Variants in SCARA3 observed in about 807,000 individuals in gnomAD.
SCARA3 encodes the protein cellular stress response gene protein.
In SCARA3, 39 loss-of-function variants were observed where a neutral mutation model predicts 47.0. That is an observed-to-expected ratio of 0.83 (90% CI 0.64 to 1.08). The LOEUF (loss-of-function observed/expected upper bound fraction) is 1.08. Ranked by LOEUF, SCARA3 falls within the 50% of genes least tolerant of loss-of-function variation. SCARA3 has a pLI of 0.00. For missense variants in SCARA3, 724 were observed against 792.3 expected (o/e 0.91, Z 1.04); for synonymous variants, 356 against 334.1 (o/e 1.07, Z -0.71).
the SCARA3 span, among the ~76,000 whole-genome samples, chr8:27,709,599 C>G: frequency 6.6e-6 from 1 of 152,172 alleles, no homozygotes; most frequent in African/African-American, 2.4e-5. Context: ...TTCAACTGCT[C>G]ACCCTCAAAT....
At chr8:27,707,634 A>G in the SCARA3 span, among the ~76,000 whole-genome samples, 2 of 152,024 alleles carry the variant, frequency 1.3e-5, no homozygotes. Flanking sequence ...TTCCAGAAAG[A>G]GAGAGAGAAA....
rs757810158 is a variant in SCARA3, at chr8:27,659,264, A to G, written c.1094A>G (p.Asn365Ser). Residue 365 changes from asparagine (N) to serine (S), a missense_variant, in exon 5 of 6, where the codon AAT becomes AGT. Transcript: ENST00000301904. ...IEIGTIFTNI[N>S]ATDNHVHSML... ...ATTGGCACCATCTTCACCAACATCA[A>G]TGCCACCGACAACCACGTGCACAGC... The G allele has an allele frequency of 3.7e-6, 6 of 1,613,964 alleles. No homozygotes were observed. Among genetic ancestry groups the G allele is most frequent in the East Asian group, 2.2e-5 (1 of 44,882 alleles).
intron 1 of SCARA3, among the ~76,000 whole-genome samples, chr8:27,642,477 C>A (rs142421491): frequency 6.6e-6 from 1 of 152,136 alleles, no homozygotes; most frequent in Non-Finnish European, 1.5e-5. Context: ...GGTGCCCATG[C>A]GAGACAGGGT....
At chr8:27,676,426 GCTGACCTCAGCCAGGCC>G (rs764266959), downstream of SCARA3, 122 of 753,700 alleles carry the variant, frequency 1.6e-4, no homozygotes, top group Non-Finnish European at 2.2e-4. Flanking sequence ...GAAGCCAGGT[GCTGACCTCAGCCAGGCC>G]CCCGACTTCC....
chr8:27,730,195 A>C, the SCARA3 span, among the ~76,000 whole-genome samples: 1 of 152,234 alleles, frequency 6.6e-6, no homozygotes, highest in African/African-American at 2.4e-5. Flanking sequence ...AGAGGAGCTT[A>C]TTAAGAAACC....
chr8:27,643,874 A>G (rs1005824987), intron 1 of SCARA3, among the ~76,000 whole-genome samples: 2 of 152,196 alleles, frequency 1.3e-5, no homozygotes, highest in Admixed American at 6.5e-5. Flanking sequence ...CCAAGGACAC[A>G]TTTTTGGTCA....
At chr8:27,662,994 C>G (rs1291697548) in intron 5 of SCARA3, among the ~76,000 whole-genome samples, 1 of 152,192 alleles carries the variant, frequency 6.6e-6, no homozygotes, top group African/African-American at 2.4e-5. Context: ...GTATTTTTGC[C>G]TATTTGGAGA....
the SCARA3 span, among the ~76,000 whole-genome samples, chr8:27,709,263 T>G: frequency 6.6e-6 from 1 of 152,136 alleles, no homozygotes; most frequent in Non-Finnish European, 1.5e-5. Context: ...ATCATGAGAA[T>G]TACCTGAGGG....
At chr8:27,690,528 T>A in the SCARA3 span, among the ~76,000 whole-genome samples, 1 of 152,332 alleles carries the variant, frequency 6.6e-6, no homozygotes, top group Non-Finnish European at 1.5e-5. Context: ...ACCTAAATTA[T>A]GATACATTTC....
In SCARA3 at chr8:27,634,177, C is replaced by G; in HGVS notation, c.-24C>G. On this transcript the variant is annotated 5_prime_UTR_variant, in exon 1 of 6. Transcript: ENST00000301904. ...CTCCAGCCGCCTGCAGCGGGGCCCTCCTGAGGCCCCAGAGGAAGAGACCAT... is the reference window on the plus strand; with the variant it reads ...CTCCAGCCGCCTGCAGCGGGGCCCTGCTGAGGCCCCAGAGGAAGAGACCAT... 1 of 1,438,212 alleles carries G rather than the reference C, an allele frequency of 7.0e-7. No individual in the cohort carries two copies. 89.1% of individuals were successfully genotyped at this position (1,438,212 alleles called of 1,614,324 possible). A position where few individuals can be genotyped will look rare whatever the true frequency, so the allele number is the denominator to read the frequency against.
intron 1 of SCARA3, among the ~76,000 whole-genome samples, chr8:27,645,126 T>C (rs1801465486): frequency 2.6e-5 from 4 of 152,194 alleles, no homozygotes; most frequent in African/African-American, 4.8e-5. Flanking sequence ...TTTCGAAAGG[T>C]ATATAAATTA....
chr8:27,660,997 C>T (rs1801902675), intron 5 of SCARA3, among the ~76,000 whole-genome samples: 1 of 152,206 alleles, frequency 6.6e-6, no homozygotes, highest in Non-Finnish European at 1.5e-5. Flanking sequence ...GACCATCAGG[C>T]AGGAAGAATT....
At chr8:27,683,539 A>C in the SCARA3 span, among the ~76,000 whole-genome samples, 1 of 152,316 alleles carries the variant, frequency 6.6e-6, no homozygotes, top group African/African-American at 2.4e-5. Context: ...AAATATTAGG[A>C]TTTTCCTGGT....
chr8:27,650,835 A>C (rs1801615485), intron 2 of SCARA3, among the ~76,000 whole-genome samples: 2 of 152,196 alleles, frequency 1.3e-5, no homozygotes, highest in African/African-American at 4.8e-5. Context: ...GGTAACCAAC[A>C]TTCTGGTTTG....
downstream of SCARA3, among the ~76,000 whole-genome samples, chr8:27,679,150 TCTC>T (rs1482277291): frequency 5.9e-5 from 9 of 152,132 alleles, no homozygotes; most frequent in East Asian, 1.9e-4. Flanking sequence ...TCTTCCTTGT[TCTC>T]CTCCTCCTCT....
At chr8:27,681,308 A>G (rs1484299631), downstream of SCARA3, among the ~76,000 whole-genome samples, 1 of 146,976 alleles carries the variant, frequency 6.8e-6, no homozygotes, top group Admixed American at 7.0e-5. Context: ...TACAAAAGTC[A>G]ATTGTATCTC....
At chr8:27,660,654 A>AGATACATC (rs60638219) in intron 5 of SCARA3, among the ~76,000 whole-genome samples, 2 of 149,804 alleles carry the variant, frequency 1.3e-5, no homozygotes, top group Non-Finnish European at 3.0e-5. Context: ...ATAGATAGAT[A>AGATACATC]GATCTAGAGA....
At chr8:27,722,414 A>C in the SCARA3 span, among the ~76,000 whole-genome samples, 2 of 152,056 alleles carry the variant, frequency 1.3e-5, no homozygotes, top group South Asian at 4.2e-4. Context: ...GGGCTTCTGC[A>C]TCTATAAAAA....
intron 1 of SCARA3, among the ~76,000 whole-genome samples, chr8:27,649,001 A>G (rs1801572322): frequency 6.6e-6 from 1 of 152,198 alleles, no homozygotes. Context: ...AGAAAAGGCC[A>G]GGTCTTACTT....
Sources: gnomAD v4.1 joint callset for allele counts (sites outside exome capture counted in the v4.1 genomes callset) on GRCh38, gnomAD v4.1.1 for gene constraint, MANE v1.5 for transcripts, NCBI Gene and HGNC (gene_info 2026-07-23, HGNC 2026-07-21) for gene names.